Variants in PTK2 observed in about 807,000 individuals in gnomAD.
The protein encoded by PTK2 is focal adhesion kinase 1.
Under a neutral mutation model 150.1 loss-of-function variants are expected in PTK2, and 45 were observed. The ratio of observed to expected loss-of-function variants is 0.30; its 90% CI spans 0.24 to 0.38. PTK2 has a LOEUF of 0.38. PTK2 is among the 10% of genes least tolerant of loss of function. The probability of loss-of-function intolerance (pLI) is 1.00; values close to 1 mark genes in which losing one functional copy is unlikely to be tolerated. For synonymous variants in PTK2, 432 were observed against 449.2 expected, an observed-to-expected ratio of 0.96 and a Z score of 0.48; for missense variants, 919 against 1,307.3, an observed-to-expected ratio of 0.70 and a Z score of 4.58.
At chr8:140,828,484 C>G (rs2100113296) in intron 8 of PTK2, among the ~76,000 whole-genome samples, 1 of 152,166 alleles carries the variant, frequency 6.6e-6, no homozygotes, top group South Asian at 2.1e-4. Context: ...AACAGTCACT[C>G]TTTTCCTAAT....
intron 7 of PTK2, among the ~76,000 whole-genome samples, chr8:140,831,595 C>T (rs1222585561): frequency 6.6e-6 from 1 of 152,184 alleles, no homozygotes; most frequent in Non-Finnish European, 1.5e-5. Flanking sequence ...CAATGAATTC[C>T]TCCTCTGGTA....
At chr8:140,921,128 G>T (rs913500154) in intron 2 of PTK2, 1 of 1,266,646 alleles carries the variant, frequency 7.9e-7, no homozygotes, top group Non-Finnish European at 9.9e-7. Context: ...TCATGCTTCC[G>T]CAATCTGAAA....
chr8:140,770,916 CTTTTA>C (rs898985580), intron 14 of PTK2, 117 bp from the exon 15 acceptor site: 9 of 332,928 alleles, frequency 2.7e-5, no homozygotes, highest in South Asian at 1.7e-4. Context: ...AATTGCAATG[CTTTTA>C]TTTTGACTAT....
At chr8:140,677,148 C>A (rs150286979) in intron 27 of PTK2, among the ~76,000 whole-genome samples, 1 of 152,172 alleles carries the variant, frequency 6.6e-6, no homozygotes, top group Non-Finnish European at 1.5e-5. Context: ...TTTAAAATCC[C>A]AGGACTTCCC....
intron 10 of PTK2, among the ~76,000 whole-genome samples, chr8:140,817,625 T>C (rs1404571712): frequency 1.3e-5 from 2 of 152,190 alleles, no homozygotes; most frequent in African/African-American, 4.8e-5. Context: ...CATATTTATT[T>C]TGTGCACTCA....
At chr8:140,851,184 A>C (rs376609432) in intron 5 of PTK2, among the ~76,000 whole-genome samples, 4 of 152,188 alleles carry the variant, frequency 2.6e-5, no homozygotes, top group East Asian at 1.9e-4. Context: ...TACAGAAGGA[A>C]CTCAATGGCA....
intron 2 of PTK2, among the ~76,000 whole-genome samples, chr8:140,916,560 C>T (rs1481990295): frequency 6.6e-6 from 1 of 152,214 alleles, no homozygotes; most frequent in Admixed American, 6.5e-5. Context: ...TGTCATCTGA[C>T]CTCACCTTCA....
intron 12 of PTK2, 70 bp from the exon 13 acceptor site, chr8:140,793,454 A>T (rs1024550768): frequency 3.2e-6 from 5 of 1,550,926 alleles, no homozygotes; most frequent in Non-Finnish European, 4.4e-6. Flanking sequence ...GCCTAGAATC[A>T]GGGAGGAAGG....
chr8:140,670,467 A>C (rs2094880410), intron 29 of PTK2, among the ~76,000 whole-genome samples: 3 of 79,778 alleles, frequency 3.8e-5, no homozygotes, highest in Non-Finnish European at 5.5e-5. Context: ...AAAAAAAAAA[A>C]AAAAAAAAAA....
At chr8:140,688,399 T>C (rs568028139) in intron 26 of PTK2, among the ~76,000 whole-genome samples, 31 of 152,230 alleles carry the variant, frequency 2.0e-4, no homozygotes, top group Admixed American at 4.6e-4. Context: ...TAGTTAAATA[T>C]AGATGAAAAA....
chr8:140,923,548 C>T (rs2100168321), intron 2 of PTK2, among the ~76,000 whole-genome samples: 1 of 152,188 alleles, frequency 6.6e-6, no homozygotes, highest in African/African-American at 2.4e-5. Flanking sequence ...TAAAGACAAA[C>T]TATGCTTTTA....
chr8:140,896,511 A>G (rs1373637598), intron 2 of PTK2, among the ~76,000 whole-genome samples: 1 of 152,258 alleles, frequency 6.6e-6, no homozygotes, highest in Non-Finnish European at 1.5e-5. Context: ...CCACATTTTC[A>G]GAAAGAAGAG....
chr8:140,957,708 CTA>C (rs979319035), intron 1 of PTK2, among the ~76,000 whole-genome samples: 15 of 152,172 alleles, frequency 9.9e-5, no homozygotes, highest in African/African-American at 3.4e-4. Flanking sequence ...TGTACCTTTT[CTA>C]TGTTTAGATA....
chr8:140,742,592 C>T (rs1048025599), intron 20 of PTK2, among the ~76,000 whole-genome samples: 7 of 152,154 alleles, frequency 4.6e-5, no homozygotes, highest in African/African-American at 1.4e-4. Context: ...TTTGCATTTT[C>T]CTAATGGACA....
intron 2 of PTK2, among the ~76,000 whole-genome samples, chr8:140,903,940 A>G (rs996380321): frequency 7.9e-5 from 12 of 152,324 alleles, no homozygotes; most frequent in African/African-American, 2.9e-4. Context: ...GTCATCCACA[A>G]ACAGAGACAA....
In PTK2 at chr8:140,946,775, TA is replaced by T. The variant is rs2100177853; in HGVS notation, c.-121-21027del. ...TTACATAATGTACTCATTTGCTTATTATTTTTTTATTATCTGCTTCCCTACA... is the reference window on the plus strand; with the variant it reads ...TTACATAATGTACTCATTTGCTTATTTTTTTTTATTATCTGCTTCCCTACA... On this transcript the variant is annotated intron_variant, in intron 1 of 31. Coordinates refer to ENST00000522684, the Ensembl canonical transcript of PTK2. Among the ~76,000 whole-genome samples, 4 of 151,472 alleles carry T rather than the reference TA, an allele frequency of 2.6e-5. No individual in the cohort carries two copies. The South Asian group carries it at 6.3e-4, about 24-fold the overall frequency.
At chr8:140,942,582 T>C (rs2100176199) in intron 1 of PTK2, among the ~76,000 whole-genome samples, 1 of 152,088 alleles carries the variant, frequency 6.6e-6, no homozygotes, top group Non-Finnish European at 1.5e-5. Flanking sequence ...GACAAATAAA[T>C]GTTGATCCAG....
At chr8:140,965,085 T>C (rs895144518) in intron 1 of PTK2, among the ~76,000 whole-genome samples, 2 of 152,190 alleles carry the variant, frequency 1.3e-5, no homozygotes, top group African/African-American at 4.8e-5. Flanking sequence ...TTAGGAAACC[T>C]GATTTCTATT....
chr8:140,963,874 G>A (rs1042921436), intron 1 of PTK2, among the ~76,000 whole-genome samples: 1 of 152,074 alleles, frequency 6.6e-6, no homozygotes, highest in Non-Finnish European at 1.5e-5. Context: ...GGGGTTAGGG[G>A]GTTAAGAGGG....
Sources: allele counts gnomAD v4.1 joint callset (sites outside exome capture counted in the v4.1 genomes callset), GRCh38; gene constraint gnomAD v4.1.1; transcripts MANE v1.5; gene names NCBI Gene and HGNC (gene_info 2026-07-23, HGNC 2026-07-21).